Variants in HSD3B1 observed in about 807,000 individuals in gnomAD.
HSD3B1 encodes the protein hydroxy-delta-5-steroid dehydrogenase, 3 beta- and steroid delta-isomerase 1.
Under a neutral mutation model 10.4 loss-of-function variants are expected in HSD3B1, and 11 were observed. The observed-to-expected ratio is 1.05, with a 90% CI of 0.66 to 1.75. HSD3B1 has a LOEUF of 1.75. HSD3B1 is among the 40% of genes most tolerant of loss of function. The pLI is 0.00. For missense variants in HSD3B1, 490 were observed against 454.5 expected (o/e 1.08, Z -0.71); for synonymous variants, 217 against 185.4 (o/e 1.17, Z -1.39).
chr1:119,513,842 C>G lies in HSD3B1; in HGVS notation c.319C>G (p.Leu107Val), dbSNP rs140053953. ...ATGCTCTTCATGGACAGGTACCCAGCTCCTGTTAGAGGCCTGTGTCCAAGC... is the reference window on the plus strand; with the variant it reads ...ATGCTCTTCATGGACAGGTACCCAGGTCCTGTTAGAGGCCTGTGTCCAAGC... ...IMNVNVKGTQLLLEACVQASV... is the reference protein window; with the variant it reads ...IMNVNVKGTQVLLEACVQASV... Residue 107 changes from leucine to valine, a missense_variant, in exon 4 of 4, where the codon CTC (leucine) becomes GTC (valine). Coordinates refer to ENST00000369413, the MANE Select transcript of HSD3B1 (RefSeq NM_000862.3). The G allele has an allele frequency of 1.9e-6, 3 of 1,613,488 alleles. No homozygotes were observed. Among genetic ancestry groups the G allele is most frequent in the African/African-American group, 2.7e-5 (2 of 74,854 alleles).
chr1:119,508,383 A>C (rs1244583290), intron 2 of HSD3B1, among the ~76,000 whole-genome samples: 1 of 151,560 alleles, frequency 6.6e-6, no homozygotes, highest in Non-Finnish European at 1.5e-5. Flanking sequence ...AAAAAAAAAA[A>C]CAAAACATTT....
intron 2 of HSD3B1, among the ~76,000 whole-genome samples, chr1:119,509,716 A>G (rs1653884056): frequency 6.6e-6 from 1 of 152,216 alleles, no homozygotes; most frequent in Admixed American, 6.5e-5. Flanking sequence ...AAAACATGGC[A>G]GAGGCATCAG....
intron 2 of HSD3B1, among the ~76,000 whole-genome samples, chr1:119,508,378 A>C (rs1199552274): frequency 1.3e-5 from 2 of 151,980 alleles, no homozygotes; most frequent in Non-Finnish European, 2.9e-5. Flanking sequence ...TTTAAAAAAA[A>C]AAAAACAAAA....
In HSD3B1 at chr1:119,511,648, C is replaced by A; in HGVS notation, c.291C>A (p.Ile97=). The part of the protein sequence containing the change: ...DVFGVTHRES[I]MNVNVKGTQL... ...TCGGTGTCACTCACAGAGAGTCTATCATGAATGTCAATGTGAAAGGTATGG... is the reference window on the plus strand; with the variant it reads ...TCGGTGTCACTCACAGAGAGTCTATAATGAATGTCAATGTGAAAGGTATGG... Residue 97 remains isoleucine (I), a synonymous_variant, in exon 3 of 4, where the codon ATC becomes ATA. Transcript: ENST00000369413. 1 of 1,613,688 alleles carries A rather than the reference C, an allele frequency of 6.2e-7. No individual in the cohort carries two copies. The highest frequency in any genetic ancestry group is 8.5e-7 in the Non-Finnish European group (1 of 1,179,702).
intron 2 of HSD3B1, 55 bp from the exon 3 acceptor site, chr1:119,511,448 A>T: frequency 6.3e-7 from 1 of 1,584,352 alleles, no homozygotes; most frequent in Non-Finnish European, 8.7e-7. Context: ...TTTATCAGAA[A>T]ACTTCTCAGC....
rs746605009 is a variant in HSD3B1, at chr1:119,514,817, T to C, written c.*172T>C. 1.8e-5 allele frequency: 13 copies of C among 712,164 alleles called. No homozygotes were observed. Among genetic ancestry groups the C allele is most frequent in the African/African-American group, 1.8e-4 (10 of 56,610 alleles). 44.1% of individuals were successfully genotyped at this position (712,164 alleles called of 1,614,324 possible). A position where few individuals can be genotyped will look rare whatever the true frequency, so the allele number is the denominator to read the frequency against. On this transcript the variant is annotated 3_prime_UTR_variant, in exon 4 of 4. Coordinates refer to ENST00000369413, the MANE Select transcript of HSD3B1 (RefSeq NM_000862.3). Reference sequence around the variant, plus strand: ...CATGTCATCAAAACCTGCGCAGTCATTGGCCCAACAAGAAGGTTTCTGTCC... The same window carrying C: ...CATGTCATCAAAACCTGCGCAGTCACTGGCCCAACAAGAAGGTTTCTGTCC...
rs370361626 is a variant in HSD3B1, at chr1:119,507,481, C to T, written c.5C>T (p.Thr2Met). The T allele has an allele frequency of 2.1e-5, 34 of 1,613,630 alleles. No homozygotes were observed. The highest frequency in any genetic ancestry group is 3.3e-5 in the South Asian group (3 of 91,068). Residue 2 changes from threonine (T) to methionine (M), a missense_variant, in exon 2 of 4, where the codon ACG (threonine) becomes ATG (methionine). By Grantham distance (81) the Thr-to-Met change is moderately conservative. Coordinates refer to ENST00000369413, the MANE Select transcript of HSD3B1 (RefSeq NM_000862.3). M[T>M]GWSCLVTGAG... ...TTCCTGCTACTTTGGATGGCCATGACGGGCTGGAGCTGCCTTGTGACAGGA... is the reference window on the plus strand; with the variant it reads ...TTCCTGCTACTTTGGATGGCCATGATGGGCTGGAGCTGCCTTGTGACAGGA...
chr1:119,513,036 C>T (rs115821133), intron 3 of HSD3B1, among the ~76,000 whole-genome samples: 4,574 of 152,278 alleles, frequency 0.03, 256 homozygotes, highest in African/African-American at 0.1. Flanking sequence ...AAGGTCCTCC[C>T]ACTGCAGGTG....
chr1:119,510,724 T>TC, intron 2 of HSD3B1, among the ~76,000 whole-genome samples: 1 of 63,548 alleles, frequency 1.6e-5, no homozygotes, highest in Non-Finnish European at 2.6e-5. Flanking sequence ...TTTCTTTTTT[T>TC]TTTTTTTTTT....
rs1653825911 is a variant in HSD3B1, at chr1:119,507,621, A to G, written c.145A>G (p.Lys49Glu). 6.2e-7 allele frequency: 1 copy of G among 1,613,786 alleles called. No homozygotes were observed. The highest frequency in any genetic ancestry group is 1.3e-5 in the African/African-American group (1 of 74,922). The change falls in exon 2 of 4, where the codon AAA becomes GAA. Residue 49 changes from lysine (K) to glutamate (E), a missense_variant and splice_region_variant. By Grantham distance (56) the Lys-to-Glu change is moderately conservative. Coordinates refer to ENST00000369413, the MANE Select transcript of HSD3B1 (RefSeq NM_000862.3). Reference sequence around the variant, plus strand: ...ACCAGAATTGAGAGAGGAATTTTCTAGTAAGTAAACTTGGGTCATGGGTGT... The same window carrying G: ...ACCAGAATTGAGAGAGGAATTTTCTGGTAAGTAAACTTGGGTCATGGGTGT... ...FGPELREEFS[K>E]LQNKTKLTVL...
rs1653823623 is a variant in HSD3B1 at position 119,507,573 on chromosome 1, A to G, written c.97A>G (p.Arg33Gly). 6.2e-7 allele frequency: 1 copy of G among 1,614,058 alleles called. No homozygotes were observed. Among genetic ancestry groups the G allele is most frequent in the Non-Finnish European group, 8.5e-7 (1 of 1,179,940 alleles). ...LVKEKELKEIRVLDKAFGPEL... is the reference protein window; with the variant it reads ...LVKEKELKEIGVLDKAFGPEL... Reference sequence around the variant, plus strand: ...GAAGGAGAAGGAGCTGAAGGAGATCAGGGTCTTGGACAAGGCCTTCGGACC... The same window carrying G: ...GAAGGAGAAGGAGCTGAAGGAGATCGGGGTCTTGGACAAGGCCTTCGGACC... Residue 33 changes from arginine to glycine, a missense_variant, in exon 2 of 4, where the codon AGG (arginine) becomes GGG (glycine). Arg to Gly is a moderately radical substitution (Grantham distance 125). Transcript: ENST00000369413.
chr1:119,508,382 A>T (rs587716757), intron 2 of HSD3B1, among the ~76,000 whole-genome samples: 1 of 150,200 alleles, frequency 6.7e-6, no homozygotes, highest in African/African-American at 2.5e-5. Context: ...AAAAAAAAAA[A>T]ACAAAACATT....
rs941094884 is a variant in HSD3B1, at chr1:119,514,318, T to C, written c.795T>C (p.Tyr265=). 1.1e-5 allele frequency: 18 copies of C among 1,613,964 alleles called. No homozygotes were observed. Among genetic ancestry groups the C allele is most frequent in the Non-Finnish European group, 1.5e-5 (18 of 1,180,016 alleles). The change falls in exon 4 of 4, where the codon TAT becomes TAC. Residue 265 remains tyrosine, a synonymous_variant. Coordinates refer to ENST00000369413, the MANE Select transcript of HSD3B1 (RefSeq NM_000862.3). ...CAGATGACACGCCTCACCAAAGCTA[T>C]GATAACCTTAATTACACCCTGAGCA... The part of the protein sequence containing the change: ...YISDDTPHQS[Y]DNLNYTLSKE...
At position 119,514,740 on chromosome 1, in the gene HSD3B1, G is replaced by A. The variant is rs1654060852; in HGVS notation, c.*95G>A. The A allele has an allele frequency of 7.3e-7, 1 of 1,375,682 alleles. No individual in the cohort carries two copies. The highest frequency in any genetic ancestry group is 1.0e-6 in the Non-Finnish European group (1 of 985,408). 85.2% of individuals were successfully genotyped at this position (1,375,682 alleles called of 1,614,324 possible). A position where few individuals can be genotyped will look rare whatever the true frequency, so the allele number is the denominator to read the frequency against. The stretch of plus-strand genomic sequence containing the variant: ...CATACAGAAAGTGACAAGGGCACAA[G>A]CTCAGGTCCTGCTGCCTCCCTTTCA... On this transcript the variant is annotated 3_prime_UTR_variant, in exon 4 of 4. Transcript: ENST00000369413.
chr1:119,513,546 C>A (rs1042343371), intron 3 of HSD3B1, among the ~76,000 whole-genome samples: 9 of 151,994 alleles, frequency 5.9e-5, no homozygotes, highest in African/African-American at 2.2e-4. Context: ...AAAGTGATAA[C>A]CCTAGGTCCC....
At chr1:119,508,485 G>A (rs1020707156) in intron 2 of HSD3B1, among the ~76,000 whole-genome samples, 1 of 152,124 alleles carries the variant, frequency 6.6e-6, no homozygotes. Context: ...GGTAGAAAAG[G>A]CATCACATCC....
At chr1:119,509,934 G>C (rs187456280) in intron 2 of HSD3B1, among the ~76,000 whole-genome samples, 8 of 152,308 alleles carry the variant, frequency 5.3e-5, no homozygotes, top group African/African-American at 1.9e-4. Context: ...CAAGCTTGGA[G>C]GCAGGGTGGG....
chr1:119,514,250 C>G lies in HSD3B1; in HGVS notation c.727C>G (p.Pro243Ala). The G allele has an allele frequency of 6.2e-7, 1 of 1,614,072 alleles. No homozygotes were observed. ...HILALRALQDPKKAPSIRGQF... is the reference protein window; with the variant it reads ...HILALRALQDAKKAPSIRGQF... ...TCTGGCCTTGAGGGCCCTGCAGGACCCCAAGAAGGCCCCAAGCATCCGAGG... is the reference window on the plus strand; with the variant it reads ...TCTGGCCTTGAGGGCCCTGCAGGACGCCAAGAAGGCCCCAAGCATCCGAGG... The change falls in exon 4 of 4, where the codon CCC becomes GCC. Residue 243 changes from proline (P) to alanine (A), a missense_variant. Transcript: ENST00000369413.
intron 3 of HSD3B1, among the ~76,000 whole-genome samples, chr1:119,513,551 G>T (rs1272603134): frequency 6.6e-6 from 1 of 151,836 alleles, no homozygotes. Context: ...GATAACCCTA[G>T]GTCCCTTTCC....
Sources: gnomAD v4.1 joint callset for allele counts (sites outside exome capture counted in the v4.1 genomes callset) on GRCh38, gnomAD v4.1.1 for gene constraint, MANE v1.5 for transcripts, NCBI Gene and HGNC (gene_info 2026-07-23, HGNC 2026-07-21) for gene names.